FSTL4: variants seen among roughly 807,000 people sequenced by gnomAD.
FSTL4 encodes follistatin-related protein 4.
In FSTL4, 28 loss-of-function variants were observed where a neutral mutation model predicts 78.2. The observed-to-expected ratio is 0.36, with a 90% CI of 0.27 to 0.49. The LOEUF (loss-of-function observed/expected upper bound fraction) is 0.49. Ranked by LOEUF, FSTL4 falls within the 20% of genes least tolerant of loss-of-function variation. The probability of loss-of-function intolerance (pLI) is 0.98; values close to 1 mark genes in which losing one functional copy is unlikely to be tolerated. For missense variants in FSTL4, 922 were observed against 1,084.9 expected, an observed-to-expected ratio of 0.85 and a Z score of 2.11; for synonymous variants, 422 against 440.5, an observed-to-expected ratio of 0.96 and a Z score of 0.53.
At chr5:133,734,355 G>A in the FSTL4 span, among the ~76,000 whole-genome samples, 8 of 152,186 alleles carry the variant, frequency 5.3e-5, no homozygotes, top group Admixed American at 1.3e-4. Context: ...TATGATAATA[G>A]CATTGTAGCC....
At chr5:133,455,180 A>G (rs1257147092) in intron 3 of FSTL4, among the ~76,000 whole-genome samples, 1 of 152,230 alleles carries the variant, frequency 6.6e-6, no homozygotes, top group African/African-American at 2.4e-5. Flanking sequence ...CACATGGCAC[A>G]TTCAGTAATC....
chr5:133,245,510 C>T (rs1010710545), intron 7 of FSTL4, among the ~76,000 whole-genome samples: 1 of 152,250 alleles, frequency 6.6e-6, no homozygotes, highest in African/African-American at 2.4e-5. Context: ...TCCCTATACA[C>T]TTCTTTCTCA....
chr5:133,582,464 C>T (rs1049439488), intron 2 of FSTL4, among the ~76,000 whole-genome samples: 8 of 152,198 alleles, frequency 5.3e-5, no homozygotes, highest in African/African-American at 1.7e-4. Flanking sequence ...CACCCACAAA[C>T]AGCATCCTGG....
At chr5:133,418,568 T>C (rs1358177717) in intron 3 of FSTL4, among the ~76,000 whole-genome samples, 1 of 152,142 alleles carries the variant, frequency 6.6e-6, no homozygotes, top group East Asian at 1.9e-4. Flanking sequence ...AAACTTTATA[T>C]AGAATATGCA....
In FSTL4 at chr5:133,413,487, G is replaced by T. The variant is rs560897784; in HGVS notation, c.161-12501C>A. On this transcript the variant is annotated intron_variant, in intron 3 of 15. Transcript: ENST00000265342. Reference sequence around the variant, plus strand: ...ATTTTAACATCTTCTCTGGTTTTCTGCAATTTCTCTGTGATGCAAACACAC... The same window carrying T: ...ATTTTAACATCTTCTCTGGTTTTCTTCAATTTCTCTGTGATGCAAACACAC... Among the ~76,000 whole-genome samples the T allele has an allele frequency of 3.3e-5, 5 of 151,936 alleles. No individual in the cohort carries two copies. The South Asian group carries it at 1.0e-3, about 32-fold the overall frequency.
intron 3 of FSTL4, among the ~76,000 whole-genome samples, chr5:133,496,873 T>C (rs13154202): frequency 0.029 from 4,489 of 152,198 alleles, 110 homozygotes; most frequent in South Asian, 0.15. Context: ...GCTCTTGTCC[T>C]CCCTGTACGT....
intron 3 of FSTL4, among the ~76,000 whole-genome samples, chr5:133,410,023 T>A (rs1010361286): frequency 2.0e-5 from 3 of 152,232 alleles, no homozygotes; most frequent in Non-Finnish European, 4.4e-5. Flanking sequence ...AACTTGGATG[T>A]CTTTTGGCTA....
At position 133,352,407 on chromosome 5, in the gene FSTL4, T is replaced by C. The variant is rs977889084; in HGVS notation, c.410-35755A>G. ...ATATACACACACATATATATACACA[T>C]ATATATATATGGTTTTCTTTGAGAC... On this transcript the variant is annotated intron_variant, in intron 4 of 15. Coordinates refer to ENST00000265342, the MANE Select transcript of FSTL4 (RefSeq NM_015082.2). 1.5e-4 allele frequency among the ~76,000 whole-genome samples: 23 copies of C among 150,444 alleles called. 1 individual carries two copies. Among genetic ancestry groups the C allele is most frequent in the African/African-American group, 5.2e-4 (21 of 40,742 alleles).
chr5:133,797,350 C>A, the FSTL4 span, among the ~76,000 whole-genome samples: 1 of 152,158 alleles, frequency 6.6e-6, no homozygotes, highest in Admixed American at 6.5e-5. Flanking sequence ...TTGGAGTCAG[C>A]AGAAAGGAAT....
At chr5:133,341,603 C>T (rs1438834895) in intron 4 of FSTL4, among the ~76,000 whole-genome samples, 5 of 152,092 alleles carry the variant, frequency 3.3e-5, no homozygotes, top group Non-Finnish European at 7.4e-5. Flanking sequence ...GGAGCACAGC[C>T]ACCTACCAAC....
At chr5:133,344,200 A>G (rs960993097) in intron 4 of FSTL4, among the ~76,000 whole-genome samples, 1 of 151,398 alleles carries the variant, frequency 6.6e-6, no homozygotes, top group Non-Finnish European at 1.5e-5. Context: ...ATACCATAAA[A>G]AACAAAAACT....
intron 4 of FSTL4, among the ~76,000 whole-genome samples, chr5:133,390,771 C>T (rs1298388619): frequency 6.6e-6 from 1 of 152,192 alleles, no homozygotes; most frequent in African/African-American, 2.4e-5. Flanking sequence ...CCTCCTGATC[C>T]CCCTCATTTA....
At chr5:133,287,389 A>G (rs1753158668) in intron 6 of FSTL4, among the ~76,000 whole-genome samples, 1 of 129,172 alleles carries the variant, frequency 7.7e-6, no homozygotes, top group African/African-American at 4.1e-5. Flanking sequence ...CTCCATCTCA[A>G]AAAAAAAAAA....
At chr5:133,261,792 G>A (rs1339408383) in intron 6 of FSTL4, among the ~76,000 whole-genome samples, 3 of 152,064 alleles carry the variant, frequency 2.0e-5, no homozygotes, top group South Asian at 2.1e-4. Context: ...GGAGTTCAAG[G>A]CCTGCCTGGA....
chr5:133,378,248 T>G (rs1484427679), intron 4 of FSTL4, among the ~76,000 whole-genome samples: 1 of 152,166 alleles, frequency 6.6e-6, no homozygotes, highest in Admixed American at 6.5e-5. Flanking sequence ...AGTATAAATA[T>G]ACATTTATTC....
chr5:133,251,343 G>A (rs983277214), intron 6 of FSTL4, among the ~76,000 whole-genome samples: 1 of 152,182 alleles, frequency 6.6e-6, no homozygotes, highest in Non-Finnish European at 1.5e-5. Context: ...GGGCCACGAG[G>A]CTTTGTGCCG....
At chr5:133,231,501 A>G (rs980081064) in intron 8 of FSTL4, among the ~76,000 whole-genome samples, 2 of 152,340 alleles carry the variant, frequency 1.3e-5, no homozygotes, top group East Asian at 1.9e-4. Flanking sequence ...TAATCCACAC[A>G]TTAAAAATAA....
intron 6 of FSTL4, among the ~76,000 whole-genome samples, chr5:133,287,117 G>A (rs949577306): frequency 4.6e-5 from 7 of 152,172 alleles, no homozygotes; most frequent in African/African-American, 1.4e-4. Context: ...GGCCGGACGC[G>A]GTGGCTCACG....
At chr5:133,310,919 G>A (rs1237657911) in intron 6 of FSTL4, among the ~76,000 whole-genome samples, 2 of 152,188 alleles carry the variant, frequency 1.3e-5, no homozygotes, top group African/African-American at 4.8e-5. Context: ...CTCAGTGAGG[G>A]GAGGTGGGTG....
Sources: allele counts gnomAD v4.1 joint callset (sites outside exome capture counted in the v4.1 genomes callset), GRCh38; gene constraint gnomAD v4.1.1; transcripts MANE v1.5; gene names NCBI Gene and HGNC (gene_info 2026-07-23, HGNC 2026-07-21).